Variants in HSPBP1 observed in about 807,000 individuals in gnomAD.
HSPBP1 encodes hsp70-binding protein 1.
Under a neutral mutation model 41.7 loss-of-function variants are expected in HSPBP1, and 31 were observed. The observed-to-expected ratio is 0.74, with a 90% confidence interval of 0.56 to 1.00. The LOEUF (loss-of-function observed/expected upper bound fraction) is 1.00. Among genes scored for constraint, HSPBP1 ranks in the 50% least tolerant of loss-of-function variants. The pLI is 0.00. For synonymous variants in HSPBP1, 199 were observed against 214.4 expected, an observed-to-expected ratio of 0.93 and a Z score of 0.63; for missense variants, 439 against 487.9, an observed-to-expected ratio of 0.90 and a Z score of 0.94.
chr19:55,264,838 G>A (rs868437938), intron 7 of HSPBP1, among the ~76,000 whole-genome samples: 2 of 152,140 alleles, frequency 1.3e-5, no homozygotes, highest in Non-Finnish European at 2.9e-5. Context: ...TGAAATGCAC[G>A]AGAACACGAA....
At position 55,277,815 on chromosome 19, in the gene HSPBP1, G is replaced by T; in HGVS notation, c.242C>A (p.Ala81Asp). The T allele has an allele frequency of 6.3e-7, 1 of 1,587,330 alleles. No homozygotes were observed. ...CTCCTCCCGCTGGCCTCGGAAGGCA[G>T]CCGACATGGCCTCCTGCAGCCACTG... ...RRQWLQEAMS[A>D]AFRGQREEVE... The change falls in exon 3 of 8, where the codon GCT becomes GAT. Residue 81 changes from alanine to aspartate, a missense_variant. Ala to Asp is a moderately radical substitution (Grantham distance 126). Transcript: ENST00000433386.
rs1348663568 is a variant in HSPBP1 at position 55,262,430 on chromosome 19, G to A, written c.*178C>T. On this transcript the variant is annotated 3_prime_UTR_variant, in exon 8 of 8. Coordinates refer to ENST00000433386, the MANE Select transcript of HSPBP1 (RefSeq NM_012267.5). ...TGAGAGTGAGAGCATGGGAGGTGGG[G>A]TCCAAGGAGCTGGTGCCTTTCTCAG... 1 of 1,420,078 alleles carries A rather than the reference G, an allele frequency of 7.0e-7. No individual in the cohort carries two copies. The highest frequency in any genetic ancestry group is 2.6e-5 in the East Asian group (1 of 39,106). 88.0% of individuals were successfully genotyped at this position (1,420,078 alleles called of 1,614,324 possible).
chr19:55,274,817 TAAG>T (rs746055155), intron 3 of HSPBP1, among the ~76,000 whole-genome samples, 195 bp from the exon 4 acceptor site: 70 of 151,958 alleles, frequency 4.6e-4, no homozygotes, highest in Admixed American at 7.9e-4. Flanking sequence ...GGCGTCCTGA[TAAG>T]AAGAAGAGAT....
intron 1 of HSPBP1, 109 bp downstream of exon 1, chr19:55,279,926 C>T (rs1031246254): frequency 2.9e-5 from 14 of 478,720 alleles, no homozygotes; most frequent in African/African-American, 2.6e-4. Context: ...CGTCTCTTAG[C>T]AACCTCACTG....
At chr19:55,269,720 C>T (rs937724823) in intron 4 of HSPBP1, among the ~76,000 whole-genome samples, 5 of 152,114 alleles carry the variant, frequency 3.3e-5, no homozygotes, top group Admixed American at 3.3e-4. Flanking sequence ...GGATGACTAG[C>T]GGGAGCACAG....
At chr19:55,279,769 A>T (rs1600160038) in intron 1 of HSPBP1, 67 bp from the exon 2 acceptor site, 3 of 1,488,942 alleles carry the variant, frequency 2.0e-6, no homozygotes, top group Non-Finnish European at 2.7e-6. Context: ...CTCTGCCCCC[A>T]GCCCACTTAA....
At chr19:55,277,250 C>T (rs111347144) in intron 3 of HSPBP1, among the ~76,000 whole-genome samples, 5 of 152,346 alleles carry the variant, frequency 3.3e-5, no homozygotes, top group African/African-American at 1.2e-4. Flanking sequence ...GGCCTTTGCA[C>T]TGGCTGTTCC....
intron 3 of HSPBP1, among the ~76,000 whole-genome samples, chr19:55,277,114 C>T (rs755665328): frequency 6.6e-6 from 1 of 152,174 alleles, no homozygotes; most frequent in African/African-American, 2.4e-5. Context: ...AGTAAAACAG[C>T]ATTTACCTCC....
At chr19:55,265,432 G>A in intron 6 of HSPBP1, 43 bp from the exon 7 acceptor site, 1 of 1,502,388 alleles carries the variant, frequency 6.7e-7, no homozygotes, top group Non-Finnish European at 9.3e-7. Flanking sequence ...TCCCTCTAGA[G>A]GCCTCACTGA....
intron 4 of HSPBP1, among the ~76,000 whole-genome samples, chr19:55,271,330 C>T (rs1174842855): frequency 3.3e-5 from 5 of 152,128 alleles, no homozygotes; most frequent in Non-Finnish European, 5.9e-5. Flanking sequence ...CCCTCCTCAG[C>T]CTCCCAGGTA....
Position 55,265,983 on chromosome 19 carries a change from CT to C in HSPBP1, c.797-2del, listed in dbSNP as rs1278456798. ...ACCATCCCCATGGAGCACAGGGTCC[CT>C]GGGGGGAGGGCTGCAGGGGTCAGAG... is the stretch of plus-strand genomic sequence containing the variant. On this transcript the variant is annotated splice_acceptor_variant, in intron 5 of 7. Coordinates refer to ENST00000433386, the MANE Select transcript of HSPBP1 (RefSeq NM_012267.5). LOFTEE classifies it high-confidence loss of function. The C allele has an allele frequency of 6.3e-7, 1 of 1,598,048 alleles. No homozygotes were observed. Among genetic ancestry groups the C allele is most frequent in the African/African-American group, 1.3e-5 (1 of 74,726 alleles).
At chr19:55,265,480 A>C in intron 6 of HSPBP1, 91 bp from the exon 7 acceptor site, 1 of 1,002,486 alleles carries the variant, frequency 1.0e-6, no homozygotes, top group Non-Finnish European at 1.6e-6. Flanking sequence ...TGGCTCACTC[A>C]GGAGCCTGGC....
Position 55,279,686 on chromosome 19 carries a change from G to C in HSPBP1, c.-78C>G. ...CTGAAGCAGCTCTGGCGTCCTGATG[G>C]GTCGATTCTTGAGGGTCTGCTGAGA... On this transcript the variant is annotated 5_prime_UTR_variant, in exon 2 of 8. Coordinates refer to ENST00000433386, the MANE Select transcript of HSPBP1 (RefSeq NM_012267.5). 1 of 1,541,292 alleles carries C rather than the reference G, an allele frequency of 6.5e-7. No individual in the cohort carries two copies. The highest frequency in any genetic ancestry group is 8.7e-7 in the Non-Finnish European group (1 of 1,146,664).
intron 7 of HSPBP1, among the ~76,000 whole-genome samples, chr19:55,263,707 G>A (rs2087702824): frequency 6.6e-6 from 1 of 152,116 alleles, no homozygotes; most frequent in Admixed American, 6.6e-5. Flanking sequence ...GGCTTATTTT[G>A]CATAACATAG....
In HSPBP1 at chr19:55,262,431, T is replaced by C; in HGVS notation, c.*177A>G. 1 of 1,417,840 alleles carries C rather than the reference T, an allele frequency of 7.1e-7. No individual in the cohort carries two copies. The highest frequency in any genetic ancestry group is 2.6e-5 in the East Asian group (1 of 38,968). 87.8% of individuals were successfully genotyped at this position (1,417,840 alleles called of 1,614,324 possible). ...GAGAGTGAGAGCATGGGAGGTGGGG[T>C]CCAAGGAGCTGGTGCCTTTCTCAGC... On this transcript the variant is annotated 3_prime_UTR_variant, in exon 8 of 8. Coordinates refer to ENST00000433386, the MANE Select transcript of HSPBP1 (RefSeq NM_012267.5).
Position 55,262,382 on chromosome 19 carries a change from C to A in HSPBP1, c.*226G>T, listed in dbSNP as rs1600125533. 2.9e-6 allele frequency: 4 copies of A among 1,367,794 alleles called. No homozygotes were observed. The Admixed American group carries it at 9.3e-5, about 32-fold the overall frequency. The allele number at this position is 1,367,794 out of a possible 1,614,324, so 84.7% of individuals were successfully genotyped here. A position where few individuals can be genotyped will look rare whatever the true frequency, so the allele number is the denominator to read the frequency against. ...AAGAGAAACACCTTTATTGGAAGAG[C>A]TGTGTGGACAAGAGAACGGGGATGA... On this transcript the variant is annotated 3_prime_UTR_variant, in exon 8 of 8. Transcript: ENST00000433386.
rs865866404 is a variant in HSPBP1, at chr19:55,272,703, C to T, written c.640+1695G>A. ...TAAAAATACAAAAATTAGCCGGGCG[C>T]GGTGGCGGGCGCCTGTAATCCCAGC... On this transcript the variant is annotated intron_variant, in intron 4 of 7. Transcript: ENST00000433386. The surrounding 1 kb of genome is among the most constrained non-coding windows in gnomAD (Gnocchi z 4.2). 4.6e-5 allele frequency among the ~76,000 whole-genome samples: 7 copies of T among 151,926 alleles called. No homozygotes were observed. The highest frequency in any genetic ancestry group is 1.2e-4 in the African/African-American group (5 of 41,360).
At chr19:55,274,345 G>GACCCCCCCCCCCCCCC in intron 4 of HSPBP1, 53 bp downstream of exon 4, 2 of 552,674 alleles carry the variant, frequency 3.6e-6, no homozygotes, top group Non-Finnish European at 6.2e-6. Flanking sequence ...GGCCCACCCG[G>GACCCCCCCCCCCCCCC]CACCCCCCCC....
Position 55,263,793 on chromosome 19 carries a change from A to C in HSPBP1, c.1006-1111T>G, listed in dbSNP as rs549513518. Among the ~76,000 whole-genome samples the C allele has an allele frequency of 1.3e-3, 203 of 152,328 alleles. 2 individuals carry two copies. The highest frequency in any genetic ancestry group is 4.7e-3 in the African/African-American group (196 of 41,570). On this transcript the variant is annotated intron_variant, in intron 7 of 7. Transcript: ENST00000433386. Reference sequence around the variant, plus strand: ...AAGAAGGACACCTGAGCAACTGGGTAGCCAGAAGGAGGGGCAGGAGAGAGA... The same window carrying C: ...AAGAAGGACACCTGAGCAACTGGGTCGCCAGAAGGAGGGGCAGGAGAGAGA...
Sources: allele counts gnomAD v4.1 joint callset (sites outside exome capture counted in the v4.1 genomes callset), GRCh38; gene constraint gnomAD v4.1.1; non-coding constraint Gnocchi (gnomAD v3.1); transcripts MANE v1.5; gene names NCBI Gene and HGNC (gene_info 2026-07-23, HGNC 2026-07-21).